Variants in OR1R1 observed in about 807,000 individuals in gnomAD.
The protein encoded by OR1R1 is olfactory receptor family 1 subfamily R member 1, also known as olfactory receptor 1R1.
chr17:3,385,961 T>G, the OR1R1 span: 3 of 397,118 alleles, frequency 7.6e-6, no homozygotes, highest in African/African-American at 6.2e-5. Flanking sequence ...TCTGCCCCCG[T>G]GTTCCTCCTC....
At chr17:3,386,023 C>T in the OR1R1 span, 1 of 398,814 alleles carries the variant, frequency 2.5e-6, no homozygotes, top group African/African-American at 2.1e-5. Context: ...CCTGCTCTGC[C>T]TTGGCATCTA....
chr17:3,386,090 C>T, the OR1R1 span: 1 of 398,756 alleles, frequency 2.5e-6, no homozygotes, highest in African/African-American at 2.1e-5. Context: ...TCCGACGGGG[C>T]CCTCCGCTCC....
At chr17:3,385,987 G>A in the OR1R1 span, 3 of 354,398 alleles carry the variant, frequency 8.5e-6, no homozygotes, top group South Asian at 1.7e-4. Flanking sequence ...CCTGGTGGAC[G>A]GAACAGACGC....
At chr17:3,386,658 A>G in the OR1R1 span, 960 of 397,636 alleles carry the variant, frequency 2.4e-3, 4 homozygotes, top group African/African-American at 0.018. Flanking sequence ...GGGCCCACCT[A>G]GTGGCGGTGG....
the OR1R1 span, chr17:3,386,410 C>T: frequency 5.0e-6 from 2 of 398,468 alleles, no homozygotes; most frequent in East Asian, 7.1e-5. Context: ...GCTGCACACG[C>T]TGCTCCTCTC....
At chr17:3,386,394 C>G in the OR1R1 span, 2 of 398,490 alleles carry the variant, frequency 5.0e-6, no homozygotes, top group African/African-American at 2.1e-5. Context: ...CGCACCTGCA[C>G]TCGCTGCTGC....
At chr17:3,386,420 C>T in the OR1R1 span, 4 of 398,584 alleles carry the variant, frequency 1.0e-5, no homozygotes, top group Non-Finnish European at 1.8e-5. Flanking sequence ...CTGCTCCTCT[C>T]CGCGCTCTCC....
At chr17:3,386,095 C>T in the OR1R1 span, 1 of 398,752 alleles carries the variant, frequency 2.5e-6, no homozygotes, top group Non-Finnish European at 4.4e-6. Context: ...CGGGGCCCTC[C>T]GCTCCCCCAT....
chr17:3,386,086 G>A, the OR1R1 span: 1 of 398,696 alleles, frequency 2.5e-6, no homozygotes, highest in Non-Finnish European at 4.4e-6. Flanking sequence ...GAGATCCGAC[G>A]GGGCCCTCCG....
At chr17:3,386,571 G>A in the OR1R1 span, 1 of 398,332 alleles carries the variant, frequency 2.5e-6, no homozygotes, top group African/African-American at 2.1e-5. Context: ...TGCTCCTCGT[G>A]TTCCTTTTCC....
At chr17:3,386,246 C>T in the OR1R1 span, 1 of 398,760 alleles carries the variant, frequency 2.5e-6, no homozygotes, top group Admixed American at 4.4e-5. Flanking sequence ...TTCTTCGTGG[C>T]TCTGGGCATC....
chr17:3,386,012 T>C, the OR1R1 span: 1 of 398,612 alleles, frequency 2.5e-6, no homozygotes. Context: ...CCGCTGCTGT[T>C]CCTGCTCTGC....
chr17:3,386,082 C>T, the OR1R1 span: 165,421 of 398,458 alleles, frequency 0.42, 35,437 homozygotes, highest in Admixed American at 0.59. Flanking sequence ...TGGTGAGATC[C>T]GACGGGGCCC....
the OR1R1 span, chr17:3,386,072 T>C: frequency 2.5e-6 from 1 of 398,774 alleles, no homozygotes; most frequent in South Asian, 1.3e-4. Context: ...ATGGTGGCGC[T>C]GGTGAGATCC....
chr17:3,386,838 G>C, the OR1R1 span: 1 of 398,500 alleles, frequency 2.5e-6, no homozygotes, highest in African/African-American at 2.1e-5. Flanking sequence ...CCCTGAAAAG[G>C]GGGCTCAGAT....
the OR1R1 span, chr17:3,386,109 T>C: frequency 1.0e-4 from 40 of 398,714 alleles, no homozygotes; most frequent in Non-Finnish European, 1.5e-4. Flanking sequence ...CCCCCATGTA[T>C]TACTTCTTGG....
the OR1R1 span, chr17:3,386,269 C>G: frequency 2.5e-6 from 1 of 398,790 alleles, no homozygotes; most frequent in Non-Finnish European, 4.4e-6. Context: ...CGAGAGCTAC[C>G]TCCTGGCGGC....
chr17:3,386,265 C>G, the OR1R1 span: 5 of 398,672 alleles, frequency 1.3e-5, no homozygotes, highest in African/African-American at 2.1e-5. Flanking sequence ...TCACCGAGAG[C>G]TACCTCCTGG....
At chr17:3,386,071 C>G in the OR1R1 span, 1 of 398,822 alleles carries the variant, frequency 2.5e-6, no homozygotes, top group Middle Eastern at 6.3e-4. Flanking sequence ...CATGGTGGCG[C>G]TGGTGAGATC....
Sources: allele counts gnomAD v4.1 joint callset, GRCh38; gene constraint gnomAD v4.1.1; transcripts MANE v1.5; gene names NCBI Gene and HGNC (gene_info 2026-07-23, HGNC 2026-07-21).